FAM216A: variants seen among roughly 807,000 people sequenced by gnomAD.
The protein encoded by FAM216A is family with sequence similarity 216 member A, also known as protein FAM216A.
Under a neutral mutation model 37.6 loss-of-function variants are expected in FAM216A, and 26 were observed. The ratio of observed to expected loss-of-function variants is 0.69; its 90% CI spans 0.51 to 0.96. The LOEUF (loss-of-function observed/expected upper bound fraction) is 0.96. Ranked by LOEUF, FAM216A falls within the 40% of genes least tolerant of loss-of-function variation. FAM216A has a pLI of 0.00. For missense variants in FAM216A, 326 were observed against 339.3 expected (o/e 0.96, Z 0.31); for synonymous variants, 110 against 121.7 (o/e 0.90, Z 0.64).
intron 2 of FAM216A, among the ~76,000 whole-genome samples, chr12:110,477,662 TC>T (rs890423070): frequency 2.7e-5 from 4 of 149,358 alleles, no homozygotes; most frequent in African/African-American, 9.9e-5. Context: ...AGTCTTGTCA[TC>T]CATTCTTGAC....
intron 1 of FAM216A, 61 bp downstream of exon 1, chr12:110,469,079 C>T: frequency 1.5e-6 from 2 of 1,369,014 alleles, no homozygotes; most frequent in Non-Finnish European, 1.9e-6. Flanking sequence ...GTGAGGCCCC[C>T]GGGTCGTGAG....
Position 110,468,852 on chromosome 12 carries a change from C to A in FAM216A, c.-24C>A. ...CCTCTCCGGAATACCAGCAGCCTGA[C>A]GCACGCGTGCTGTCGGGGGAGGGAT... On this transcript the variant is annotated 5_prime_UTR_variant, in exon 1 of 7. Transcript: ENST00000377673. The A allele has an allele frequency of 6.7e-7, 1 of 1,482,292 alleles. No homozygotes were observed. The allele number at this position is 1,482,292 out of a possible 1,614,324, so 91.8% of individuals were successfully genotyped here. A position where few individuals can be genotyped will look rare whatever the true frequency, so the allele number is the denominator to read the frequency against.
intron 2 of FAM216A, among the ~76,000 whole-genome samples, chr12:110,473,325 C>T (rs1450913242): frequency 6.6e-6 from 1 of 152,046 alleles, no homozygotes; most frequent in African/African-American, 2.4e-5. Context: ...GATTCTCCTG[C>T]CTCAGCCTCC....
intron 2 of FAM216A, among the ~76,000 whole-genome samples, chr12:110,484,477 TAATAA>T (rs750091265): frequency 3.6e-4 from 48 of 134,024 alleles, no homozygotes; most frequent in Non-Finnish European, 7.4e-4. Context: ...AGTTAAATGA[TAATAA>T]AATATTACTG....
chr12:110,474,800 G>A (rs779352400), intron 2 of FAM216A, among the ~76,000 whole-genome samples: 2 of 148,698 alleles, frequency 1.3e-5, no homozygotes, highest in Non-Finnish European at 1.5e-5. Flanking sequence ...TCAGAAATTC[G>A]AGACTAGCCT....
At chr12:110,480,795 GGGAGGCTAGGGCTGGAGGATCGCT>G (rs1214962071) in intron 2 of FAM216A, among the ~76,000 whole-genome samples, 1 of 152,030 alleles carries the variant, frequency 6.6e-6, no homozygotes, top group Admixed American at 6.6e-5. Context: ...CCAGCACTTT[GGGAGGCTAGGGCTGGAGGATCGCT>G]GGAGCCCAGG....
Position 110,490,362 on chromosome 12 carries a change from A to G in FAM216A, c.*225A>G. On this transcript the variant is annotated 3_prime_UTR_variant, in exon 7 of 7. Transcript: ENST00000377673. ...TATACTTGTACTTCTAGCTAGATACAATTAAAACTTTTCTTGCATTCAATA... is the reference window on the plus strand; with the variant it reads ...TATACTTGTACTTCTAGCTAGATACGATTAAAACTTTTCTTGCATTCAATA... 2.2e-6 allele frequency: 1 copy of G among 455,004 alleles called. No homozygotes were observed. Among genetic ancestry groups the G allele is most frequent in the Non-Finnish European group, 3.9e-6 (1 of 256,058 alleles). 28.2% of individuals were successfully genotyped at this position (455,004 alleles called of 1,614,324 possible).
intron 2 of FAM216A, among the ~76,000 whole-genome samples, chr12:110,477,468 T>C (rs2062721053): frequency 6.6e-6 from 1 of 151,562 alleles, no homozygotes; most frequent in South Asian, 2.1e-4. Context: ...TTCTCCTGCC[T>C]CAGCTTCCTG....
At chr12:110,486,262 A>G in intron 3 of FAM216A, 63 bp from the exon 4 acceptor site, 2 of 1,479,718 alleles carry the variant, frequency 1.4e-6, no homozygotes. Flanking sequence ...CTCTTCAGAT[A>G]AGGAATATTG....
intron 1 of FAM216A, among the ~76,000 whole-genome samples, chr12:110,472,515 C>T (rs978108071): frequency 5.9e-5 from 9 of 151,682 alleles, no homozygotes; most frequent in African/African-American, 2.2e-4. Context: ...GCTATGATCA[C>T]GACACTGCAC....
intron 5 of FAM216A, chr12:110,487,610 G>A: frequency 2.6e-6 from 1 of 378,656 alleles, no homozygotes; most frequent in Non-Finnish European, 4.7e-6. Context: ...AAAAGGAGAA[G>A]AATATGGTTG....
intron 6 of FAM216A, among the ~76,000 whole-genome samples, chr12:110,489,480 CAA>C (rs11397208): frequency 1.5e-4 from 17 of 114,454 alleles, no homozygotes; most frequent in Admixed American, 2.8e-4. Context: ...CTCTAGTCTC[CAA>C]AAAAAAAAAA....
intron 6 of FAM216A, among the ~76,000 whole-genome samples, chr12:110,489,480 CA>C (rs11397208): frequency 5.7e-4 from 65 of 114,486 alleles, no homozygotes; most frequent in South Asian, 5.7e-4. Context: ...CTCTAGTCTC[CA>C]AAAAAAAAAA....
intron 1 of FAM216A, among the ~76,000 whole-genome samples, chr12:110,471,202 C>T (rs757068784): frequency 2.6e-5 from 4 of 152,044 alleles, no homozygotes; most frequent in African/African-American, 9.7e-5. Context: ...TCAAGCGATT[C>T]TCCTGCCTCC....
chr12:110,469,110 G>A, intron 1 of FAM216A, 92 bp downstream of exon 1: 12 of 1,311,320 alleles, frequency 9.2e-6, no homozygotes, highest in Non-Finnish European at 1.1e-5. Context: ...GAGGGCTGCG[G>A]CCGACCTCTC....
Position 110,468,937 on chromosome 12 carries a change from A to G in FAM216A, c.62A>G (p.Gln21Arg), listed in dbSNP as rs972286229. 44 of 1,523,860 alleles carry G rather than the reference A, an allele frequency of 2.9e-5. No individual in the cohort carries two copies. Among genetic ancestry groups the G allele is most frequent in the Non-Finnish European group, 3.1e-5 (35 of 1,138,614 alleles). 94.4% of individuals were successfully genotyped at this position (1,523,860 alleles called of 1,614,324 possible). A position where few individuals can be genotyped will look rare whatever the true frequency, so the allele number is the denominator to read the frequency against. ...RGLGAAEMPG[Q>R]GPGSDWTERS... ...CTCGGCGCCGCGGAGATGCCCGGCC[A>G]GGGTCCGGGGTCCGACTGGACGGAG... is the stretch of plus-strand genomic sequence containing the variant. The change falls in exon 1 of 7, where the codon CAG becomes CGG. Residue 21 changes from glutamine (Q) to arginine (R), a missense_variant. Coordinates refer to ENST00000377673, the MANE Select transcript of FAM216A (RefSeq NM_013300.3).
rs541654116 is a variant in FAM216A, at chr12:110,473,691, G to C, written c.184+573G>C. Among the ~76,000 whole-genome samples the C allele has an allele frequency of 1.2e-4, 19 of 152,300 alleles. 1 individual carries two copies. The South Asian group carries it at 3.9e-3, about 32-fold the overall frequency. On this transcript the variant is annotated intron_variant, in intron 2 of 6. Transcript: ENST00000377673. ...ATTTATAGCTGACGTTGGTTGAAAA[G>C]CACAGAGCACAGCCTGGGGTTTATA... is the stretch of plus-strand genomic sequence containing the variant.
At chr12:110,473,219 C>CTT (rs367919339) in intron 2 of FAM216A, 101 bp downstream of exon 2, 531 of 505,030 alleles carry the variant, frequency 1.1e-3, no homozygotes, top group Middle Eastern at 3.2e-3. Context: ...TTTCTTTTTT[C>CTT]TTTTTTTTTT....
At chr12:110,489,801 A>G (rs963285314) in intron 6 of FAM216A, among the ~76,000 whole-genome samples, 3 of 152,208 alleles carry the variant, frequency 2.0e-5, no homozygotes, top group Non-Finnish European at 4.4e-5. Flanking sequence ...AGGACTTAGT[A>G]ACAAGAGAAT....
Sources: gnomAD v4.1 joint callset for allele counts (sites outside exome capture counted in the v4.1 genomes callset) on GRCh38, gnomAD v4.1.1 for gene constraint, MANE v1.5 for transcripts, NCBI Gene and HGNC (gene_info 2026-07-23, HGNC 2026-07-21) for gene names.